Variants in ZNF518A observed in about 807,000 individuals in gnomAD.
ZNF518A encodes the protein zinc finger protein 518A.
ZNF518A carries 47 observed loss-of-function variants against 102.7 expected under a neutral mutation model. That is an observed-to-expected ratio of 0.46 (90% CI 0.36 to 0.58). The LOEUF (loss-of-function observed/expected upper bound fraction) is 0.58. Ranked by LOEUF, ZNF518A falls within the 20% of genes least tolerant of loss-of-function variation. The probability of loss-of-function intolerance (pLI) is 0.00; values close to 1 mark genes in which losing one functional copy is unlikely to be tolerated. For missense variants in ZNF518A, 1,793 were observed against 1,699.8 expected, an observed-to-expected ratio of 1.05 and a Z score of -0.96; for synonymous variants, 652 against 594.6, an observed-to-expected ratio of 1.10 and a Z score of -1.40.
Position 96,157,119 on chromosome 10 carries a change from A to G in ZNF518A, c.797A>G (p.Tyr266Cys), listed in dbSNP as rs782466876. Reference sequence around the variant, plus strand: ...GGTACTTTTCCCTTCACTTGTCAATATTGTAGCTATGGTGCCACCAGGAGA... The same window carrying G: ...GGTACTTTTCCCTTCACTTGTCAATGTTGTAGCTATGGTGCCACCAGGAGA... ...HSGTFPFTCQ[Y>C]CSYGATRREH... Residue 266 changes from tyrosine (Y) to cysteine (C), a missense_variant, in exon 6 of 6, where the codon TAT becomes TGT. Tyr to Cys is a radical substitution (Grantham distance 194). Transcript: ENST00000316045. 4.3e-6 allele frequency: 7 copies of G among 1,613,858 alleles called. No individual in the cohort carries two copies. The highest frequency in any genetic ancestry group is 1.6e-4 in the Middle Eastern group (1 of 6,062).
rs587643717 is a variant in ZNF518A at position 96,184,442 on chromosome 10, G to T, written n.36-19132G>T. 5.3e-3 allele frequency among the ~76,000 whole-genome samples: 804 copies of T among 152,298 alleles called. 6 individuals are homozygous for T. Among genetic ancestry groups the T allele is most frequent in the African/African-American group, 0.019 (769 of 41,562 alleles). On this transcript the variant is annotated intron_variant and non_coding_transcript_variant, in intron 1 of 2. Transcript: ENST00000442635. ...CATGTTTTTGCAGTGGCTGGTATTG[G>T]TTGTTCCTTTCCATGTTTAGTGCTT...
Position 96,160,909 on chromosome 10 carries a change from C to A in ZNF518A, c.*135C>A. 1.0e-6 allele frequency: 1 copy of A among 978,836 alleles called. No homozygotes were observed. The highest frequency in any genetic ancestry group is 1.4e-6 in the Non-Finnish European group (1 of 712,036). 60.6% of individuals were successfully genotyped at this position (978,836 alleles called of 1,614,324 possible). ...AACATTTTAAAAGTTGATTGTATTT[C>A]TGTGGAAGAGTAAAAGTTGTATGTA... On this transcript the variant is annotated 3_prime_UTR_variant, in exon 6 of 6. Transcript: ENST00000316045.
At chr10:96,146,254 T>G (rs1283890160) in intron 3 of ZNF518A, among the ~76,000 whole-genome samples, 1 of 152,258 alleles carries the variant, frequency 6.6e-6, no homozygotes, top group African/African-American at 2.4e-5. Context: ...TTTGTGATTT[T>G]ATAAACGATG....
chr10:96,159,983 C>A lies in ZNF518A; in HGVS notation c.3661C>A (p.Pro1221Thr). 6.2e-7 allele frequency: 1 copy of A among 1,613,430 alleles called. No homozygotes were observed. The highest frequency in any genetic ancestry group is 8.5e-7 in the Non-Finnish European group (1 of 1,179,670). Residue 1221 changes from proline (P) to threonine (T), a missense_variant, in exon 6 of 6, where the codon CCA becomes ACA. This residue lies in a region of ZNF518A where 1,741 missense variants were observed against 1,622.6 expected (regional missense o/e 1.07). Transcript: ENST00000316045. ...AACATGCCCAGAATCTTCTGAGGAA[C>A]CAATATGTGTCAGTGACTGTTCAGA... is the stretch of plus-strand genomic sequence containing the variant. ...TATCPESSEE[P>T]ICVSDCSESR...
intron 1 of ZNF518A, among the ~76,000 whole-genome samples, chr10:96,201,958 G>A (rs78415136): frequency 6.6e-6 from 1 of 152,274 alleles, no homozygotes; most frequent in African/African-American, 2.4e-5. Context: ...AGGAAAGGAA[G>A]AATATGTGGG....
intron 3 of ZNF518A, among the ~76,000 whole-genome samples, chr10:96,149,844 A>G (rs905595617): frequency 1.3e-5 from 2 of 152,162 alleles, no homozygotes; most frequent in South Asian, 2.1e-4. Flanking sequence ...TTCAATGTAT[A>G]TATTTTCCTC....
intron 3 of ZNF518A, among the ~76,000 whole-genome samples, chr10:96,134,273 C>T (rs1352063778): frequency 1.3e-5 from 2 of 152,258 alleles, no homozygotes; most frequent in East Asian, 3.8e-4. Context: ...CTCTGCCACC[C>T]AGGCTGGAGT....
chr10:96,185,571 T>G (rs1255630676), intron 1 of ZNF518A, among the ~76,000 whole-genome samples: 1 of 152,242 alleles, frequency 6.6e-6, no homozygotes, highest in Admixed American at 6.5e-5. Flanking sequence ...TCCCCTCAGC[T>G]GCTGGTCTGC....
chr10:96,168,795 T>C (rs2083157724), intron 1 of ZNF518A, among the ~76,000 whole-genome samples: 1 of 152,226 alleles, frequency 6.6e-6, no homozygotes, highest in Non-Finnish European at 1.5e-5. Context: ...GATTCTCTTT[T>C]TGTCCTTGTC....
Position 96,156,578 on chromosome 10 carries a change from A to G in ZNF518A, c.256A>G (p.Ser86Gly), listed in dbSNP as rs587679416. The change falls in exon 6 of 6, where the codon AGT becomes GGT. Residue 86 changes from serine to glycine, a missense_variant. Physicochemically the swap from Ser to Gly is moderately conservative, Grantham distance 56. Transcript: ENST00000316045. ...ACAGCAGACTGCAAGAAAATCTATC[A>G]GTATAAAGACTGTAAGCTGTGTAGA... ...SKQQTARKSISIKTVSCVEEC... is the reference protein window; with the variant it reads ...SKQQTARKSIGIKTVSCVEEC... The G allele has an allele frequency of 2.5e-6, 4 of 1,613,120 alleles. No individual in the cohort carries two copies. The highest frequency in any genetic ancestry group is 2.2e-5 in the South Asian group (2 of 90,796).
In ZNF518A at chr10:96,135,965, G is replaced by A. The variant is rs2081576545; in HGVS notation, c.-302+2317G>A. 4.6e-5 allele frequency among the ~76,000 whole-genome samples: 7 copies of A among 152,158 alleles called. No individual in the cohort carries two copies. In the South Asian group the frequency reaches 1.4e-3, roughly 32 times the overall value. On this transcript the variant is annotated intron_variant, in intron 3 of 5. Transcript: ENST00000316045. ...TATGAATGTGGCTTTGATAGGCACA[G>A]AGAATAACTGAAAAAAGGATGGAGT... is the stretch of plus-strand genomic sequence containing the variant.
chr10:96,157,711 C>T lies in ZNF518A; in HGVS notation c.1389C>T (p.Ile463=), dbSNP rs782396798. Residue 463 remains isoleucine, a synonymous_variant, in exon 6 of 6, where the codon ATC becomes ATT. Transcript: ENST00000316045. The part of the protein sequence containing the change: ...KQHIVLKLVP[I]KQNVCSPGSQ... ...ATATTGTATTAAAATTGGTGCCTAT[C>T]AAACAAAATGTATGTTCACCAGGCT... The T allele has an allele frequency of 6.2e-7, 1 of 1,613,888 alleles. No individual in the cohort carries two copies. The highest frequency in any genetic ancestry group is 1.1e-5 in the South Asian group (1 of 91,078).
intron 3 of ZNF518A, among the ~76,000 whole-genome samples, chr10:96,145,500 T>A (rs1182350522): frequency 6.6e-6 from 1 of 152,256 alleles, no homozygotes; most frequent in East Asian, 1.9e-4. Context: ...AACACTTCTC[T>A]TATAGCATGA....
chr10:96,151,872 C>T (rs1182139579), intron 3 of ZNF518A, among the ~76,000 whole-genome samples: 1 of 152,160 alleles, frequency 6.6e-6, no homozygotes, highest in African/African-American at 2.4e-5. Flanking sequence ...CAGATGTTTT[C>T]AGTTGCCATG....
upstream of ZNF518A, chr10:96,130,250 A>G (rs2081253881): frequency 6.6e-6 from 1 of 152,408 alleles, no homozygotes; most frequent in South Asian, 2.1e-4. Flanking sequence ...GCCTCTTGTG[A>G]GAGGAAGCGC....
Position 96,200,025 on chromosome 10 carries a change from TAAATAAAATA to T in ZNF518A, n.36-3535_36-3526del, listed in dbSNP as rs782403220. ...TGAAACTGCATCATCTCAAAACAAA[TAAATAAAATA>T]AAATAAAATAAAAATAATAAATAAT... On this transcript the variant is annotated intron_variant and non_coding_transcript_variant, in intron 1 of 2. Transcript: ENST00000442635. The surrounding 1 kb of genome is among the most constrained non-coding windows in gnomAD (Gnocchi z 4.3). The T allele has an allele frequency of 1.6e-6, 2 of 1,258,534 alleles. No homozygotes were observed. Among genetic ancestry groups the T allele is most frequent in the Admixed American group, 3.0e-5 (1 of 33,286 alleles). The allele number at this position is 1,258,534 out of a possible 1,614,324, so 78.0% of individuals were successfully genotyped here.
intron 3 of ZNF518A, among the ~76,000 whole-genome samples, chr10:96,134,151 G>A (rs2081481330): frequency 6.6e-6 from 1 of 152,158 alleles, no homozygotes; most frequent in Non-Finnish European, 1.5e-5. Flanking sequence ...TGGATATTCA[G>A]CCAGTAAGTA....
At chr10:96,188,506 G>C (rs1198279004) in intron 1 of ZNF518A, among the ~76,000 whole-genome samples, 1 of 152,182 alleles carries the variant, frequency 6.6e-6, no homozygotes, top group Admixed American at 6.5e-5. Flanking sequence ...GGTTGCTGTG[G>C]TAGCAGTGGG....
chr10:96,197,343 T>G (rs978429659), intron 1 of ZNF518A, among the ~76,000 whole-genome samples: 9 of 152,164 alleles, frequency 5.9e-5, no homozygotes, highest in Non-Finnish European at 1.2e-4. Flanking sequence ...CTCACTTTGT[T>G]GCCCAGGCTG....
Sources: allele counts gnomAD v4.1 joint callset (sites outside exome capture counted in the v4.1 genomes callset), GRCh38; gene constraint gnomAD v4.1.1; regional missense constraint gnomAD v4.1.1; non-coding constraint Gnocchi (gnomAD v3.1); transcripts MANE v1.5; gene names NCBI Gene and HGNC (gene_info 2026-07-23, HGNC 2026-07-21).